C1orf94: variants seen among roughly 807,000 people sequenced by gnomAD.
C1orf94 encodes the protein uncharacterized protein C1orf94.
In C1orf94, 45 loss-of-function variants were observed where a neutral mutation model predicts 53.6. The observed-to-expected ratio is 0.84, with a 90% CI of 0.66 to 1.08. The LOEUF is 1.08. Among genes scored for constraint, C1orf94 ranks in the 50% least tolerant of loss-of-function variants. The pLI is 0.00. For missense variants in C1orf94, 762 were observed against 738.9 expected (o/e 1.03, Z -0.36); for synonymous variants, 304 against 296.1 (o/e 1.03, Z -0.27).
intron 2 of C1orf94, among the ~76,000 whole-genome samples, chr1:34,199,330 G>C (rs1642656071): frequency 6.6e-6 from 1 of 152,162 alleles, no homozygotes; most frequent in Admixed American, 6.5e-5. Context: ...TTATCAGTGG[G>C]TACTGTTATT....
chr1:34,202,502 CCA>C (rs140557340), intron 4 of C1orf94, among the ~76,000 whole-genome samples: 3 of 151,836 alleles, frequency 2.0e-5, no homozygotes, highest in African/African-American at 4.8e-5. Flanking sequence ...GCGCACACCT[CCA>C]CACACACACA....
At chr1:34,202,397 G>C in intron 4 of C1orf94, 138 bp downstream of exon 4, 1 of 953,548 alleles carries the variant, frequency 1.0e-6, no homozygotes, top group Non-Finnish European at 1.5e-6. Context: ...AGGCTTCGCT[G>C]GGGCTATGGA....
chr1:34,178,689 A>G (rs1171281493), intron 1 of C1orf94, among the ~76,000 whole-genome samples: 1 of 152,238 alleles, frequency 6.6e-6, no homozygotes, highest in Admixed American at 6.5e-5. Flanking sequence ...CCGGGATGGG[A>G]AATCCTGTGT....
chr1:34,206,427 C>T (rs1642793681), intron 4 of C1orf94, among the ~76,000 whole-genome samples: 1 of 152,230 alleles, frequency 6.6e-6, no homozygotes, highest in African/African-American at 2.4e-5. Context: ...TAGCTCTGGT[C>T]ACCCTCTAAG....
At position 34,177,407 on chromosome 1, in the gene C1orf94, T is replaced by C. The variant is rs1642245740; in HGVS notation, c.-383T>C. Among the ~76,000 whole-genome samples, 1 of 151,970 alleles carries C rather than the reference T, an allele frequency of 6.6e-6. No individual in the cohort carries two copies. The highest frequency in any genetic ancestry group is 1.5e-5 in the Non-Finnish European group (1 of 67,972). ...ATGGGCTGAGCCCAGGCGCCGAAAGTTGTCACGGCGGCGTCGCAAGGGGGC... is the reference window on the plus strand; with the variant it reads ...ATGGGCTGAGCCCAGGCGCCGAAAGCTGTCACGGCGGCGTCGCAAGGGGGC... On this transcript the variant is annotated 5_prime_UTR_variant, in exon 1 of 7. Transcript: ENST00000488417.
intron 1 of C1orf94, among the ~76,000 whole-genome samples, chr1:34,195,779 GGTGTGT>G (rs67390104): frequency 0.027 from 3,944 of 145,220 alleles, 53 homozygotes; most frequent in Admixed American, 0.054. Context: ...TCTGTTCGTG[GGTGTGT>G]GTGTGTGTGT....
intron 1 of C1orf94, among the ~76,000 whole-genome samples, chr1:34,192,598 T>C (rs1005007680): frequency 2.0e-5 from 3 of 152,168 alleles, no homozygotes; most frequent in Non-Finnish European, 4.4e-5. Flanking sequence ...ATAAAGTCCC[T>C]GCCCTTGTGG....
intron 1 of C1orf94, among the ~76,000 whole-genome samples, chr1:34,171,577 C>T (rs1472853218): frequency 6.6e-6 from 1 of 152,200 alleles, no homozygotes; most frequent in African/African-American, 2.4e-5. Flanking sequence ...AATGCCTCCA[C>T]TGAGTTATGA....
chr1:34,176,340 T>G (rs1264130401), upstream of C1orf94, among the ~76,000 whole-genome samples: 2 of 152,174 alleles, frequency 1.3e-5, no homozygotes, highest in African/African-American at 4.8e-5. Context: ...CCCCTGACTC[T>G]CGGAACCAGA....
At chr1:34,174,762 A>G (rs1348562118), upstream of C1orf94, among the ~76,000 whole-genome samples, 1 of 152,224 alleles carries the variant, frequency 6.6e-6, no homozygotes, top group African/African-American at 2.4e-5. Flanking sequence ...TAAGCCACAC[A>G]GTCTGTGGAC....
Position 34,206,658 on chromosome 1 carries a change from G to A in C1orf94, c.1447-1499G>A, listed in dbSNP as rs576123372. On this transcript the variant is annotated intron_variant, in intron 4 of 6. Transcript: ENST00000488417. Reference sequence around the variant, plus strand: ...CGGCGAAACAGAGGAGGGACACTTAGCAACATGCCTAGTGGCCTTGGAGCT... The same window carrying A: ...CGGCGAAACAGAGGAGGGACACTTAACAACATGCCTAGTGGCCTTGGAGCT... 3.9e-5 allele frequency among the ~76,000 whole-genome samples: 6 copies of A among 152,352 alleles called. No individual in the cohort carries two copies. In the East Asian group the frequency reaches 5.8e-4, roughly 15 times the overall value.
Position 34,197,089 on chromosome 1 carries a change from C to A in C1orf94, c.321-136C>A. The A allele has an allele frequency of 1.3e-6, 1 of 777,304 alleles. No homozygotes were observed. The highest frequency in any genetic ancestry group is 2.0e-6 in the Non-Finnish European group (1 of 489,908). 48.2% of individuals were successfully genotyped at this position (777,304 alleles called of 1,614,324 possible). A position where few individuals can be genotyped will look rare whatever the true frequency, so the allele number is the denominator to read the frequency against. The stretch of plus-strand genomic sequence containing the variant: ...ACCCTCTGGGGGTCCAGTGTGTCTG[C>A]TGGGTTATCTTGCCTGGAAGTGTGT... On this transcript the variant is annotated intron_variant, in intron 1 of 6. Coordinates refer to ENST00000488417, the MANE Select transcript of C1orf94 (RefSeq NM_001134734.2). This position sits in a 1 kb window ranked among gnomAD's most constrained non-coding sequence, Gnocchi z 4.1.
In C1orf94 at chr1:34,197,897, G is replaced by A; in HGVS notation, c.993G>A (p.Glu331=). ...CSKPKADPAV[E]RHHLMEWSPG... ...AGCCCAAGGCTGACCCTGCTGTGGAGAGGCACCACTTGATGGGTGAGTGGG... is the reference window on the plus strand; with the variant it reads ...AGCCCAAGGCTGACCCTGCTGTGGAAAGGCACCACTTGATGGGTGAGTGGG... Residue 331 remains glutamate, a synonymous_variant, in exon 2 of 7, where the codon GAG becomes GAA. Transcript: ENST00000488417. The surrounding 1 kb of genome is among the most constrained non-coding windows in gnomAD (Gnocchi z 4.1). 3.1e-6 allele frequency: 5 copies of A among 1,613,660 alleles called. No individual in the cohort carries two copies. Among genetic ancestry groups the A allele is most frequent in the African/African-American group, 1.3e-5 (1 of 75,060 alleles).
rs114160812 is a variant in C1orf94, at chr1:34,212,349, G to A, written c.1664G>A (p.Arg555Gln). Residue 555 changes from arginine (R) to glutamine (Q), a missense_variant, in exon 6 of 7, where the codon CGA becomes CAA. By Grantham distance (43) the Arg-to-Gln change is conservative. Coordinates refer to ENST00000488417, the MANE Select transcript of C1orf94 (RefSeq NM_001134734.2). ...RTPPKMSANPRDPPLMAGDGP... is the reference protein window; with the variant it reads ...RTPPKMSANPQDPPLMAGDGP... ...CCTCCAAAGATGTCTGCCAACCCCC[G>A]AGACCCTCCCCTAATGGCAGGAGAT... is the stretch of plus-strand genomic sequence containing the variant. 4.1e-5 allele frequency: 66 copies of A among 1,613,708 alleles called. No homozygotes were observed. The East Asian group carries it at 4.5e-4, about 11-fold the overall frequency.
At position 34,197,297 on chromosome 1, in the gene C1orf94, A is replaced by G. The variant is rs757153369; in HGVS notation, c.393A>G (p.Lys131=). The G allele has an allele frequency of 5.2e-4, 816 of 1,554,860 alleles. 6 individuals are homozygous for G. Among genetic ancestry groups the G allele is most frequent in the Non-Finnish European group, 9.2e-5 (106 of 1,148,608 alleles). The change falls in exon 2 of 7, where the codon AAA becomes AAG. Residue 131 remains lysine (K), a synonymous_variant. Coordinates refer to ENST00000488417, the MANE Select transcript of C1orf94 (RefSeq NM_001134734.2). The surrounding 1 kb of genome is among the most constrained non-coding windows in gnomAD (Gnocchi z 4.1). ...LVEQEFLSLT[K]EHSILVEESS... ...AACAGGAGTTCCTAAGCCTCACCAA[A>G]GAGCACTCGATCCTGGTCGAAGAGA...
At chr1:34,207,265 GT>G (rs1557488494) in intron 4 of C1orf94, among the ~76,000 whole-genome samples, 111 of 10,018 alleles carry the variant, frequency 0.011, no homozygotes, top group African/African-American at 0.014. Context: ...TCTGCGGGGT[GT>G]GTGTGTGTGT....
chr1:34,208,271 A>C (rs1270898235), intron 5 of C1orf94, 37 bp downstream of exon 5: 2 of 1,599,472 alleles, frequency 1.3e-6, no homozygotes, highest in Non-Finnish European at 1.7e-6. Flanking sequence ...TCCTGGGTCC[A>C]TGAAGGCCTT....
chr1:34,183,107 T>C (rs1642334940), intron 1 of C1orf94, among the ~76,000 whole-genome samples: 1 of 152,188 alleles, frequency 6.6e-6, no homozygotes, highest in Non-Finnish European at 1.5e-5. Context: ...ATTCCAAGCT[T>C]GAGCCCCTGG....
chr1:34,200,766 C>T lies in C1orf94; in HGVS notation c.1010-6C>T. On this transcript the variant is annotated splice_region_variant and splice_polypyrimidine_tract_variant and intron_variant, in intron 2 of 6. Transcript: ENST00000488417. ...AGGCATTGACTCAGTTTCTTTCCTGCTACAGAATGGAGCCCTGGCACCAAG... is the reference window on the plus strand; with the variant it reads ...AGGCATTGACTCAGTTTCTTTCCTGTTACAGAATGGAGCCCTGGCACCAAG... 6.2e-7 allele frequency: 1 copy of T among 1,613,952 alleles called. No homozygotes were observed. Among genetic ancestry groups the T allele is most frequent in the Non-Finnish European group, 8.5e-7 (1 of 1,179,932 alleles).
Sources: gnomAD v4.1 joint callset for allele counts (sites outside exome capture counted in the v4.1 genomes callset) on GRCh38, gnomAD v4.1.1 for gene constraint, Gnocchi (gnomAD v3.1) non-coding constraint, MANE v1.5 for transcripts, NCBI Gene and HGNC (gene_info 2026-07-23, HGNC 2026-07-21) for gene names.